The following GLIS3 variants were observed in gnomAD, a reference collection of about 807,000 sequenced individuals.
The protein encoded by GLIS3 is GLIS family zinc finger 3.
A neutral mutation model predicts 78.6 loss-of-function variants in GLIS3; 53 were observed. The ratio of observed to expected loss-of-function variants is 0.67; its 90% CI spans 0.54 to 0.85. The LOEUF (loss-of-function observed/expected upper bound fraction) is 0.85. GLIS3 is among the 40% of genes least tolerant of loss of function. The pLI is 0.00. For synonymous variants in GLIS3, 684 were observed against 509.9 expected, an observed-to-expected ratio of 1.34 and a Z score of -4.60; for missense variants, 1,703 against 1,231.1, an observed-to-expected ratio of 1.38 and a Z score of -5.74.
chr9:4,185,865 C>A (rs1340074990), intron 2 of GLIS3, among the ~76,000 whole-genome samples: 4 of 152,170 alleles, frequency 2.6e-5, no homozygotes, highest in African/African-American at 4.8e-5. Flanking sequence ...GAGGGCAAGG[C>A]AGCCCAGGGA....
At chr9:4,219,874 C>A (rs114784937) in intron 2 of GLIS3, among the ~76,000 whole-genome samples, 4 of 152,082 alleles carry the variant, frequency 2.6e-5, no homozygotes, top group African/African-American at 9.7e-5. Flanking sequence ...AGCAATGACA[C>A]CTTAGTAGCA....
the GLIS3 span, among the ~76,000 whole-genome samples, chr9:4,430,593 G>C: frequency 9.2e-5 from 14 of 152,162 alleles, no homozygotes; most frequent in African/African-American, 3.1e-4. Context: ...TGGCTTTATG[G>C]TTTCAAGATC....
At chr9:4,122,419 G>A (rs1832259562) in intron 3 of GLIS3, among the ~76,000 whole-genome samples, 1 of 152,174 alleles carries the variant, frequency 6.6e-6, no homozygotes. Context: ...TTTACAGAGA[G>A]CCTGGAGTGC....
At chr9:4,319,473 C>T (rs1460149176) in intron 2 of GLIS3, among the ~76,000 whole-genome samples, 2 of 152,128 alleles carry the variant, frequency 1.3e-5, no homozygotes, top group Non-Finnish European at 2.9e-5. Context: ...TGATTTTAAA[C>T]ATTTTTAAAT....
intron 2 of GLIS3, among the ~76,000 whole-genome samples, chr9:4,245,814 G>C (rs1327505141): frequency 6.6e-6 from 1 of 152,174 alleles, no homozygotes; most frequent in African/African-American, 2.4e-5. Context: ...AAAGTGCCCT[G>C]TATTGATGCA....
chr9:4,206,098 C>A (rs1046947723), intron 2 of GLIS3, among the ~76,000 whole-genome samples: 1 of 152,024 alleles, frequency 6.6e-6, no homozygotes, highest in Admixed American at 6.6e-5. Context: ...TACAAGATCC[C>A]CCCATTTTCA....
chr9:3,889,333 G>A (rs1332670722), intron 7 of GLIS3, among the ~76,000 whole-genome samples: 4 of 152,132 alleles, frequency 2.6e-5, no homozygotes, highest in African/African-American at 9.7e-5. Context: ...ACTACTTTTG[G>A]GGTTCCATAG....
intron 2 of GLIS3, among the ~76,000 whole-genome samples, chr9:4,325,698 T>G (rs1364300929): frequency 6.6e-6 from 1 of 152,216 alleles, no homozygotes; most frequent in Non-Finnish European, 1.5e-5. Flanking sequence ...CTCTTTTTTT[T>G]GAGATAAATA....
intron 4 of GLIS3, among the ~76,000 whole-genome samples, chr9:3,996,010 A>G (rs1265406082): frequency 6.6e-6 from 1 of 152,162 alleles, no homozygotes; most frequent in East Asian, 1.9e-4. Flanking sequence ...GTAGCAAAAA[A>G]AAAGATAAAA....
At chr9:4,164,062 A>G (rs1225292215) in intron 2 of GLIS3, among the ~76,000 whole-genome samples, 1 of 152,212 alleles carries the variant, frequency 6.6e-6, no homozygotes, top group Non-Finnish European at 1.5e-5. Context: ...CTTCCTCTAA[A>G]CACAAAATAT....
chr9:4,196,366 G>C (rs1818845029), intron 2 of GLIS3, among the ~76,000 whole-genome samples: 1 of 152,224 alleles, frequency 6.6e-6, no homozygotes, highest in African/African-American at 2.4e-5. Flanking sequence ...ATAAAAGCAG[G>C]CTGCCCCAGC....
At chr9:4,462,442 C>G in the GLIS3 span, among the ~76,000 whole-genome samples, 1 of 152,036 alleles carries the variant, frequency 6.6e-6, no homozygotes, top group African/African-American at 2.4e-5. Context: ...AGGATTCTAC[C>G]ACAGATCAGA....
chr9:4,195,654 C>T (rs73398422), intron 2 of GLIS3, among the ~76,000 whole-genome samples: 3,519 of 152,380 alleles, frequency 0.023, 148 homozygotes, highest in African/African-American at 0.08. Flanking sequence ...TCCCATCGAC[C>T]GCCCAAGGGC....
At chr9:3,972,068 C>T (rs978683877) in intron 4 of GLIS3, among the ~76,000 whole-genome samples, 9 of 152,220 alleles carry the variant, frequency 5.9e-5, no homozygotes, top group East Asian at 1.9e-4. Flanking sequence ...GTTAGCATTT[C>T]GTATCTCTAC....
rs149125378 is a variant in GLIS3 at position 3,998,992 on chromosome 9, TAA to T, written c.1711-61805_1711-61804del. On this transcript the variant is annotated intron_variant, in intron 4 of 10. Transcript: ENST00000381971. ...ACCAAGACATAAGCACATGCATACA[TAA>T]AGTTACTTCCCTTTCTTTCTATAAA... 2.2e-3 allele frequency among the ~76,000 whole-genome samples: 332 copies of T among 152,038 alleles called. 1 individual carries two copies. The highest frequency in any genetic ancestry group is 7.0e-3 in the African/African-American group (290 of 41,484).
chr9:3,988,737 C>T lies in GLIS3; in HGVS notation c.1711-51548G>A, dbSNP rs539657649. Among the ~76,000 whole-genome samples, 4 of 152,082 alleles carry T rather than the reference C, an allele frequency of 2.6e-5. No homozygotes were observed. The South Asian group carries it at 8.3e-4, about 32-fold the overall frequency. ...AAAGAAAAAGAATCTTGACCTAAAC[C>T]TCATACGTTATACGAAGATGAACTC... On this transcript the variant is annotated intron_variant, in intron 4 of 10. Transcript: ENST00000381971.
At chr9:3,828,541 A>T (rs554770852) in intron 10 of GLIS3, 133 bp from the exon 11 acceptor site, 2 of 1,124,348 alleles carry the variant, frequency 1.8e-6, no homozygotes, top group African/African-American at 3.1e-5. Flanking sequence ...CCTGGGCCCT[A>T]TAGTGAGTCT....
At chr9:4,335,143 C>T (rs930644438) in intron 2 of GLIS3, among the ~76,000 whole-genome samples, 6 of 152,026 alleles carry the variant, frequency 3.9e-5, no homozygotes, top group African/African-American at 9.7e-5. Context: ...CTCCTGACCT[C>T]GTGATCCACC....
At chr9:3,942,876 C>T (rs1050070017) in intron 4 of GLIS3, among the ~76,000 whole-genome samples, 4 of 150,904 alleles carry the variant, frequency 2.7e-5, no homozygotes, top group East Asian at 1.9e-4. Context: ...TTTAAAAAGA[C>T]GAAATAAAAT....
Sources: gnomAD v4.1 joint callset for allele counts (sites outside exome capture counted in the v4.1 genomes callset) on GRCh38, gnomAD v4.1.1 for gene constraint, MANE v1.5 for transcripts, NCBI Gene and HGNC (gene_info 2026-07-23, HGNC 2026-07-21) for gene names.